The following RPS6KA2 variants were observed in gnomAD, a reference collection of about 807,000 sequenced individuals.
RPS6KA2 encodes the protein ribosomal protein S6 kinase alpha-2.
In RPS6KA2, 42 loss-of-function variants were observed where a neutral mutation model predicts 91.8. The ratio of observed to expected loss-of-function variants is 0.46; its 90% CI spans 0.36 to 0.59. The LOEUF (loss-of-function observed/expected upper bound fraction) is 0.59, where lower values mean the gene tolerates loss of function less well. Among genes scored for constraint, RPS6KA2 ranks in the 20% least tolerant of loss-of-function variants. RPS6KA2 has a pLI of 0.00. For missense variants in RPS6KA2, 798 were observed against 978.5 expected (o/e 0.82, Z 2.46); for synonymous variants, 414 against 393.6 (o/e 1.05, Z -0.61).
At chr6:166,576,555 C>T (rs1229473414) in intron 1 of RPS6KA2, among the ~76,000 whole-genome samples, 1 of 152,216 alleles carries the variant, frequency 6.6e-6, no homozygotes, top group Non-Finnish European at 1.5e-5. Flanking sequence ...GACTGGGCAG[C>T]ATTTTGCCCC....
intron 2 of RPS6KA2, among the ~76,000 whole-genome samples, chr6:166,682,757 C>G (rs1418133218): frequency 6.6e-6 from 1 of 152,194 alleles, no homozygotes; most frequent in Admixed American, 6.5e-5. Flanking sequence ...CCACACCCAG[C>G]AAAATAACAG....
At chr6:166,550,389 A>G (rs1210370969) in intron 1 of RPS6KA2, among the ~76,000 whole-genome samples, 1 of 152,256 alleles carries the variant, frequency 6.6e-6, no homozygotes, top group African/African-American at 2.4e-5. Flanking sequence ...ATGGAAGCCA[A>G]TGGAAAACAA....
intron 1 of RPS6KA2, among the ~76,000 whole-genome samples, chr6:166,593,102 TC>T (rs1221835684): frequency 5.3e-5 from 8 of 152,118 alleles, no homozygotes; most frequent in African/African-American, 1.9e-4. Context: ...AAAGAAGCTT[TC>T]CGATGCAGTG....
intron 1 of RPS6KA2, among the ~76,000 whole-genome samples, chr6:166,600,087 A>C (rs566400921): frequency 0.017 from 2,606 of 151,184 alleles, 39 homozygotes; most frequent in Non-Finnish European, 0.024. Flanking sequence ...AGCTCACTGC[A>C]GCCTCGAACT....
chr6:166,722,832 A>T (rs1175704869), intron 2 of RPS6KA2, among the ~76,000 whole-genome samples: 13 of 152,128 alleles, frequency 8.5e-5, no homozygotes. Flanking sequence ...ATGAGCTTCA[A>T]TCGCTGCATT....
intron 2 of RPS6KA2, among the ~76,000 whole-genome samples, chr6:166,813,868 G>A (rs1028440828): frequency 4.6e-5 from 7 of 152,304 alleles, no homozygotes; most frequent in Admixed American, 2.0e-4. Context: ...TGATATTGGA[G>A]ATAGACTAGA....
In RPS6KA2 at chr6:166,639,455, C is replaced by G. The variant is rs1166252184; in HGVS notation, c.124-100671G>C. Among the ~76,000 whole-genome samples, 2 of 152,238 alleles carry G rather than the reference C, an allele frequency of 1.3e-5. No homozygotes were observed. The highest frequency in any genetic ancestry group is 2.4e-5 in the African/African-American group (1 of 41,458). On this transcript the variant is annotated intron_variant, in intron 2 of 21. Coordinates refer to the RPS6KA2 transcript ENST00000503859. The surrounding 1 kb of genome is among the most constrained non-coding windows in gnomAD (Gnocchi z 4.2). ...GCTAAAGGCTTTCCCTACAACCCAC[C>G]TGTGGTCCTGCCACCAGCCTGATCC...
At chr6:166,800,316 C>G (rs572384661) in intron 2 of RPS6KA2, among the ~76,000 whole-genome samples, 1 of 152,198 alleles carries the variant, frequency 6.6e-6, no homozygotes, top group Non-Finnish European at 1.5e-5. Context: ...CATGGGGGAG[C>G]AGCCCAGCTC....
intron 2 of RPS6KA2, among the ~76,000 whole-genome samples, chr6:166,724,865 G>A (rs530767540): frequency 4.7e-4 from 72 of 152,190 alleles, no homozygotes; most frequent in African/African-American, 1.6e-3. Context: ...GTTAGCTCAC[G>A]CCCTCCCCTC....
At chr6:166,572,827 CAG>C (rs919881418) in intron 1 of RPS6KA2, among the ~76,000 whole-genome samples, 3 of 152,238 alleles carry the variant, frequency 2.0e-5, no homozygotes, top group African/African-American at 7.2e-5. Context: ...GGGTGTGAGA[CAG>C]AGCAGCTCCC....
intron 12 of RPS6KA2, among the ~76,000 whole-genome samples, chr6:166,454,645 T>C (rs1780031587): frequency 6.6e-6 from 1 of 152,118 alleles, no homozygotes; most frequent in Admixed American, 6.5e-5. Flanking sequence ...ATGGTCATGG[T>C]CAACAGTGGC....
intron 1 of RPS6KA2, among the ~76,000 whole-genome samples, chr6:166,607,884 CCTGTGGTCCCAGCT>C (rs546949630): frequency 1.3e-3 from 191 of 152,208 alleles, no homozygotes; most frequent in African/African-American, 4.3e-3. Context: ...GTGGCATGTA[CCTGTGGTCCCAGCT>C]ATTCAGGAGG....
chr6:166,688,669 G>T (rs777554485), intron 2 of RPS6KA2, among the ~76,000 whole-genome samples: 1 of 152,250 alleles, frequency 6.6e-6, no homozygotes, highest in Non-Finnish European at 1.5e-5. Context: ...GACAGCGTCA[G>T]CGTGAGGCTG....
intron 2 of RPS6KA2, among the ~76,000 whole-genome samples, chr6:166,833,609 G>A (rs1780241206): frequency 6.6e-6 from 1 of 152,218 alleles, no homozygotes; most frequent in African/African-American, 2.4e-5. Context: ...TAGAAGTGGA[G>A]TATGCAATAC....
chr6:166,474,098 A>G (rs1462108034), intron 10 of RPS6KA2, among the ~76,000 whole-genome samples: 2 of 152,016 alleles, frequency 1.3e-5, no homozygotes, highest in African/African-American at 2.4e-5. Context: ...AGATCTGCAG[A>G]CAGGCCCTGG....
chr6:166,846,882 A>T (rs892860720), intron 2 of RPS6KA2, among the ~76,000 whole-genome samples: 4 of 152,202 alleles, frequency 2.6e-5, no homozygotes, highest in African/African-American at 9.7e-5. Context: ...AGAGAAAGAA[A>T]TCAAGGGCAT....
chr6:166,787,975 C>CAAAAA (rs3066794), intron 2 of RPS6KA2, among the ~76,000 whole-genome samples: 3 of 78,902 alleles, frequency 3.8e-5, no homozygotes, highest in Non-Finnish European at 5.3e-5. Flanking sequence ...AACAAATTTA[C>CAAAAA]AAAAAAAAAA....
chr6:166,599,130 T>C (rs1052303004), intron 1 of RPS6KA2, among the ~76,000 whole-genome samples: 1 of 152,332 alleles, frequency 6.6e-6, no homozygotes, highest in African/African-American at 2.4e-5. Flanking sequence ...TTGAGGATGT[T>C]TGAAGAAGCA....
intron 2 of RPS6KA2, among the ~76,000 whole-genome samples, chr6:166,760,964 G>A (rs1013006851): frequency 6.6e-6 from 1 of 152,242 alleles, no homozygotes; most frequent in Admixed American, 6.5e-5. Context: ...GTGAGAGCTA[G>A]TGGGTTTGCA....
Sources: gnomAD v4.1 joint callset for allele counts (sites outside exome capture counted in the v4.1 genomes callset) on GRCh38, gnomAD v4.1.1 for gene constraint, Gnocchi (gnomAD v3.1) non-coding constraint, MANE v1.5 for transcripts, NCBI Gene and HGNC (gene_info 2026-07-23, HGNC 2026-07-21) for gene names.